SOX5: variants seen among roughly 807,000 people sequenced by gnomAD.
The protein encoded by SOX5 is transcription factor SOX-5.
A neutral mutation model predicts 92.0 loss-of-function variants in SOX5; 9 were observed. That is an observed-to-expected ratio of 0.10 (90% confidence interval 0.06 to 0.17). SOX5 has a LOEUF of 0.17. SOX5 is among the 10% of genes least tolerant of loss of function. The pLI is 1.00. For missense variants in SOX5, 642 were observed against 944.5 expected, an observed-to-expected ratio of 0.68 and a Z score of 4.20; for synonymous variants, 344 against 336.3, an observed-to-expected ratio of 1.02 and a Z score of -0.25.
intron 1 of SOX5, among the ~76,000 whole-genome samples, chr12:24,480,820 G>C (rs1945906824): frequency 6.7e-6 from 1 of 149,960 alleles, no homozygotes; most frequent in Admixed American, 6.6e-5. Context: ...ATGTAAATTA[G>C]TAAAACCACT....
chr12:24,469,231 G>A (rs568021222), intron 1 of SOX5, among the ~76,000 whole-genome samples: 11 of 152,190 alleles, frequency 7.2e-5, no homozygotes, highest in African/African-American at 2.2e-4. Flanking sequence ...AGACTTTAAC[G>A]TCACAGCTGA....
chr12:24,492,439 G>A (rs868387464), intron 1 of SOX5, among the ~76,000 whole-genome samples: 6 of 152,112 alleles, frequency 3.9e-5, no homozygotes, highest in African/African-American at 1.4e-4. Flanking sequence ...TCTATCTTGG[G>A]AAGTTCAGTA....
chr12:24,180,072 G>A (rs35752304), intron 4 of SOX5, among the ~76,000 whole-genome samples: 4,708 of 152,018 alleles, frequency 0.031, 88 homozygotes, highest in Middle Eastern at 0.058. Flanking sequence ...AGCCTCCCAA[G>A]TAGCTGGGAT....
chr12:23,550,738 T>A (rs1178347034), intron 11 of SOX5, among the ~76,000 whole-genome samples: 1 of 151,848 alleles, frequency 6.6e-6, no homozygotes, highest in African/African-American at 2.4e-5. Context: ...GTCTAGTACA[T>A]ATTTAAACTG....
intron 10 of SOX5, among the ~76,000 whole-genome samples, chr12:23,572,749 T>C (rs1362504054): frequency 6.6e-6 from 1 of 152,212 alleles, no homozygotes; most frequent in African/African-American, 2.4e-5. Context: ...TTTTACATAG[T>C]ACATGAAAGT....
intron 1 of SOX5, among the ~76,000 whole-genome samples, chr12:24,507,763 G>A (rs1045100733): frequency 2.0e-5 from 3 of 152,010 alleles, no homozygotes; most frequent in Non-Finnish European, 4.4e-5. Context: ...TCTTGAATTT[G>A]CTTTAAAATA....
At chr12:23,610,915 T>C (rs1470879454) in intron 8 of SOX5, among the ~76,000 whole-genome samples, 3 of 152,144 alleles carry the variant, frequency 2.0e-5, no homozygotes, top group Non-Finnish European at 4.4e-5. Flanking sequence ...AGTTGAAGCA[T>C]ATGGATATTC....
In SOX5 at chr12:24,131,776, AAG is replaced by A. The variant is rs1949668383; in HGVS notation, c.-2+81565_-2+81566del. On this transcript the variant is annotated intron_variant, in intron 4 of 4. Transcript: ENST00000446891. ...TGCCATGTGTAGGCTATGTGCAAAA[AAG>A]AGAGGGAGAAAAGAGGGGTACACAT... is the stretch of plus-strand genomic sequence containing the variant. Among the ~76,000 whole-genome samples, 3 of 152,264 alleles carry A rather than the reference AAG, an allele frequency of 2.0e-5. No homozygotes were observed. The South Asian group carries it at 6.2e-4, about 32-fold the overall frequency.
intron 8 of SOX5, among the ~76,000 whole-genome samples, chr12:23,628,656 A>C (rs1054247790): frequency 6.6e-6 from 1 of 151,984 alleles, no homozygotes; most frequent in Non-Finnish European, 1.5e-5. Flanking sequence ...GTACGGCATT[A>C]AGAGAAAGGT....
chr12:23,734,828 C>T, intron 5 of SOX5, 76 bp from the exon 6 acceptor site: 1 of 1,210,904 alleles, frequency 8.3e-7, no homozygotes, highest in Non-Finnish European at 1.2e-6. Flanking sequence ...TTCTGTTTCT[C>T]AAAGTTTGAT....
In SOX5 at chr12:24,449,207, C is replaced by T. The variant is rs139052131; in HGVS notation, c.-250-80568G>A. On this transcript the variant is annotated intron_variant, in intron 1 of 4. Coordinates refer to the SOX5 transcript ENST00000446891. ...CTCCTTACCCCTTCTTACAAACCTC[C>T]AACAGCTCACCAGCACACTTACAAA... 2.0e-5 allele frequency among the ~76,000 whole-genome samples: 3 copies of T among 152,254 alleles called. No individual in the cohort carries two copies. In the East Asian group the frequency reaches 5.8e-4, roughly 29 times the overall value.
At chr12:24,531,619 A>G (rs1951201598) in intron 1 of SOX5, among the ~76,000 whole-genome samples, 1 of 152,188 alleles carries the variant, frequency 6.6e-6, no homozygotes. Flanking sequence ...TGTTGCTACT[A>G]GTGCTTAAAA....
rs1172194178 is a variant in SOX5, at chr12:23,855,125, C to G, written c.271-8932G>C. 2.0e-5 allele frequency among the ~76,000 whole-genome samples: 3 copies of G among 152,010 alleles called. No homozygotes were observed. In the East Asian group the frequency reaches 5.8e-4, roughly 29 times the overall value. On this transcript the variant is annotated intron_variant, in intron 2 of 14. Coordinates refer to ENST00000451604, the MANE Select transcript of SOX5 (RefSeq NM_006940.6). ...CATATTAGGAGGAGAAAAGCCCTTT[C>G]TTTCATCCACTCTGCCAAATATAGA...
chr12:23,815,286 G>C (rs1434628718), intron 3 of SOX5, among the ~76,000 whole-genome samples: 1 of 152,146 alleles, frequency 6.6e-6, no homozygotes, highest in East Asian at 1.9e-4. Context: ...AATATTGAAA[G>C]TGTCTGTCTT....
At chr12:23,606,334 T>G (rs770702295) in intron 8 of SOX5, among the ~76,000 whole-genome samples, 5 of 151,828 alleles carry the variant, frequency 3.3e-5, no homozygotes, top group Admixed American at 2.0e-4. Flanking sequence ...TCATATTGTA[T>G]TGTATATTGT....
chr12:23,983,769 T>C (rs2099516843), intron 4 of SOX5, among the ~76,000 whole-genome samples: 1 of 152,144 alleles, frequency 6.6e-6, no homozygotes. Context: ...AAACCAGATT[T>C]CCCTTAAATT....
chr12:24,371,347 C>A (rs944256158), intron 1 of SOX5, among the ~76,000 whole-genome samples: 1 of 152,214 alleles, frequency 6.6e-6, no homozygotes, highest in Non-Finnish European at 1.5e-5. Flanking sequence ...TTTTTCCCCC[C>A]CAGGGCTACA....
intron 1 of SOX5, among the ~76,000 whole-genome samples, chr12:24,376,847 G>A (rs1210506453): frequency 2.0e-5 from 3 of 149,948 alleles, no homozygotes; most frequent in Non-Finnish European, 4.4e-5. Context: ...GGGATTACAG[G>A]TGTGTGCCCC....
intron 1 of SOX5, among the ~76,000 whole-genome samples, chr12:24,403,426 G>A (rs1383111305): frequency 6.6e-6 from 1 of 152,118 alleles, no homozygotes; most frequent in Non-Finnish European, 1.5e-5. Flanking sequence ...AGTAAAGCTC[G>A]GTTGAATGAA....
Sources: gnomAD v4.1 joint callset for allele counts (sites outside exome capture counted in the v4.1 genomes callset) on GRCh38, gnomAD v4.1.1 for gene constraint, MANE v1.5 for transcripts, NCBI Gene and HGNC (gene_info 2026-07-23, HGNC 2026-07-21) for gene names.